The following IL23R variants were observed in gnomAD, a reference collection of about 807,000 sequenced individuals.
IL23R encodes interleukin-23 receptor.
Under a neutral mutation model 56.9 loss-of-function variants are expected in IL23R, and 34 were observed. That is an observed-to-expected ratio of 0.60 (90% CI 0.45 to 0.80). The LOEUF (loss-of-function observed/expected upper bound fraction) is 0.80. IL23R is among the 30% of genes least tolerant of loss of function. The probability of loss-of-function intolerance (pLI) is 0.00; values close to 1 mark genes in which losing one functional copy is unlikely to be tolerated. For missense variants in IL23R, 635 were observed against 730.0 expected (o/e 0.87, Z 1.50); for synonymous variants, 230 against 249.2 (o/e 0.92, Z 0.73).
intron 9 of IL23R, among the ~76,000 whole-genome samples, chr1:67,243,598 C>G (rs1010830968): frequency 2.0e-5 from 3 of 151,978 alleles, no homozygotes; most frequent in African/African-American, 2.4e-5. Context: ...CTGAGAATGA[C>G]GGTTTCCAGA....
intron 9 of IL23R, among the ~76,000 whole-genome samples, chr1:67,250,241 A>G (rs1652522167): frequency 6.6e-6 from 1 of 152,154 alleles, no homozygotes; most frequent in Admixed American, 6.5e-5. Context: ...TGGTGCCTAA[A>G]TTTCCTTTCA....
intron 1 of IL23R, among the ~76,000 whole-genome samples, chr1:67,157,265 T>C (rs1467963713): frequency 6.6e-6 from 1 of 152,210 alleles, no homozygotes; most frequent in Non-Finnish European, 1.5e-5. Context: ...CTCCCCGTAT[T>C]TCAAATTTAA....
rs531078193 is a variant in IL23R, at chr1:67,201,558, A to C, written c.652+661A>C. ...ACAATCTACTAGGGAAGGCAAAAAAAAAAAAAACAAAAAAACACTATGATC... is the reference window on the plus strand; with the variant it reads ...ACAATCTACTAGGGAAGGCAAAAAACAAAAAAACAAAAAAACACTATGATC... On this transcript the variant is annotated intron_variant, in intron 5 of 10. Transcript: ENST00000347310. 1.8e-4 allele frequency among the ~76,000 whole-genome samples: 28 copies of C among 151,886 alleles called. 2 individuals carry two copies. In the Middle Eastern group the frequency reaches 0.017, roughly 93 times the overall value.
At chr1:67,193,833 T>G (rs940772894) in intron 4 of IL23R, among the ~76,000 whole-genome samples, 6 of 152,190 alleles carry the variant, frequency 3.9e-5, no homozygotes, top group Non-Finnish European at 8.8e-5. Context: ...TCTGTCTACC[T>G]GGAGGTAGCA....
At chr1:67,220,333 C>T (rs534715840) in intron 7 of IL23R, among the ~76,000 whole-genome samples, 1 of 151,584 alleles carries the variant, frequency 6.6e-6, no homozygotes, top group Non-Finnish European at 1.5e-5. Flanking sequence ...TGTACCACCG[C>T]ACTCCAGCCT....
intron 5 of IL23R, 79 bp downstream of exon 5, chr1:67,200,976 A>G: frequency 6.9e-7 from 1 of 1,440,160 alleles, no homozygotes; most frequent in Non-Finnish European, 9.7e-7. Context: ...TAGATCTGAA[A>G]GAAGTTCCCC....
intron 9 of IL23R, among the ~76,000 whole-genome samples, chr1:67,242,386 T>A (rs1341826393): frequency 6.6e-6 from 1 of 152,114 alleles, no homozygotes; most frequent in Non-Finnish European, 1.5e-5. Context: ...AATACACACA[T>A]AACAGACCCC....
chr1:67,180,105 G>C (rs561560726), intron 3 of IL23R, among the ~76,000 whole-genome samples: 1 of 152,328 alleles, frequency 6.6e-6, no homozygotes, highest in East Asian at 1.9e-4. Flanking sequence ...TGGATTTAGG[G>C]TGGAGAGTTC....
At chr1:67,256,501 G>A (rs904361973) in intron 10 of IL23R, among the ~76,000 whole-genome samples, 1 of 152,186 alleles carries the variant, frequency 6.6e-6, no homozygotes, top group African/African-American at 2.4e-5. Context: ...TTATAAAGGA[G>A]GGAAGGAACA....
rs765734608 is a variant in IL23R, at chr1:67,168,778, AG to A, written c.71-562del. 2.0e-5 allele frequency among the ~76,000 whole-genome samples: 3 copies of A among 152,202 alleles called. No homozygotes were observed. The East Asian group carries it at 5.8e-4, about 29-fold the overall frequency. On this transcript the variant is annotated intron_variant, in intron 2 of 10. Transcript: ENST00000347310. Reference sequence around the variant, plus strand: ...ATCTCTCGGTTCTCTACTTTAAAGTAGGAGAGCTAATTATATTTGCTCTTTA... The same window carrying A: ...ATCTCTCGGTTCTCTACTTTAAAGTAGAGAGCTAATTATATTTGCTCTTTA...
At chr1:67,260,102 A>G (rs1653155089), downstream of IL23R, 1 of 152,280 alleles carries the variant, frequency 6.6e-6, no homozygotes, top group Non-Finnish European at 1.5e-5. Context: ...ATAAGTGAAG[A>G]ATAGAAACAG....
In IL23R at chr1:67,206,980, T is replaced by C. The variant is rs113009360; in HGVS notation, c.723T>C (p.Tyr241=). 7.2e-3 allele frequency: 11,607 copies of C among 1,612,590 alleles called. 58 individuals are homozygous for C. The highest frequency in any genetic ancestry group is 0.015 in the South Asian group (1,368 of 90,994). Residue 241 remains tyrosine (Y), a synonymous_variant, in exon 6 of 11, where the codon TAT becomes TAC. Coordinates refer to ENST00000347310, the MANE Select transcript of IL23R (RefSeq NM_144701.3). ...INATVPKTII[Y]WDSQTTIEKV... ...CTACAGTGCCCAAGACCATAATTTA[T>C]TGGGATAGTCAAACAACAATTGAAA... is the stretch of plus-strand genomic sequence containing the variant.
At chr1:67,180,783 C>T (rs1018397610) in intron 3 of IL23R, among the ~76,000 whole-genome samples, 5 of 152,210 alleles carry the variant, frequency 3.3e-5, no homozygotes, top group Admixed American at 1.3e-4. Context: ...ATGTTTATTG[C>T]TTCCTTCAGG....
intron 4 of IL23R, among the ~76,000 whole-genome samples, chr1:67,188,785 C>A (rs751950675): frequency 6.6e-6 from 1 of 152,086 alleles, no homozygotes; most frequent in African/African-American, 2.4e-5. Context: ...CAGGCAGCTC[C>A]CTTCAACCTC....
At chr1:67,256,168 A>T (rs1007426989) in intron 10 of IL23R, among the ~76,000 whole-genome samples, 1 of 152,338 alleles carries the variant, frequency 6.6e-6, no homozygotes, top group Non-Finnish European at 1.5e-5. Flanking sequence ...AAAAGAGAAA[A>T]GTGAAGTGGA....
At chr1:67,233,929 CTGTGTGTG>C (rs57455484) in intron 7 of IL23R, among the ~76,000 whole-genome samples, 12,007 of 138,644 alleles carry the variant, frequency 0.087, 1,354 homozygotes, top group African/African-American at 0.27. Flanking sequence ...GTCATAAAGG[CTGTGTGTG>C]TGTGTGTGTG....
chr1:67,148,827 A>T (rs1327799961), intron 1 of IL23R, among the ~76,000 whole-genome samples: 1 of 151,998 alleles, frequency 6.6e-6, no homozygotes, highest in Non-Finnish European at 1.5e-5. Flanking sequence ...GCAGTGTTAG[A>T]ACGGCTCTGA....
intron 6 of IL23R, among the ~76,000 whole-genome samples, chr1:67,207,893 G>A (rs563414769): frequency 2.0e-4 from 30 of 152,288 alleles, no homozygotes; most frequent in South Asian, 1.0e-3. Context: ...GAAGAAGACA[G>A]GAAAATGTGG....
chr1:67,215,515 A>G (rs1419023920), intron 6 of IL23R, among the ~76,000 whole-genome samples: 1 of 152,184 alleles, frequency 6.6e-6, no homozygotes, highest in East Asian at 1.9e-4. Context: ...CTCTGCTTAT[A>G]TCAGGCTTAC....
Sources: gnomAD v4.1 joint callset for allele counts (sites outside exome capture counted in the v4.1 genomes callset) on GRCh38, gnomAD v4.1.1 for gene constraint, MANE v1.5 for transcripts, NCBI Gene and HGNC (gene_info 2026-07-23, HGNC 2026-07-21) for gene names.